Variants in MTMR7 observed in about 807,000 individuals in gnomAD.
MTMR7 encodes the protein myotubularin related protein 7.
In MTMR7, 76 loss-of-function variants were observed where a neutral mutation model predicts 81.2. The ratio of observed to expected loss-of-function variants is 0.94; its 90% CI spans 0.78 to 1.13. MTMR7 has a LOEUF of 1.13. Ranked by LOEUF, MTMR7 falls within the 50% of genes most tolerant of loss-of-function variation. The pLI, the probability that MTMR7 is intolerant of heterozygous loss-of-function variation, is 0.00. For synonymous variants in MTMR7, 372 were observed against 289.8 expected, an observed-to-expected ratio of 1.28 and a Z score of -2.88; for missense variants, 1,044 against 820.0, an observed-to-expected ratio of 1.27 and a Z score of -3.34.
At chr8:17,306,144 A>G (rs1258451265) in intron 10 of MTMR7, among the ~76,000 whole-genome samples, 187 bp from the exon 11 acceptor site, 1 of 152,202 alleles carries the variant, frequency 6.6e-6, no homozygotes, top group African/African-American at 2.4e-5. Context: ...CTTTGTAGTG[A>G]CGGTCTGGAT....
intron 1 of MTMR7, among the ~76,000 whole-genome samples, chr8:17,375,515 C>A (rs1172948507): frequency 2.1e-5 from 3 of 145,980 alleles, no homozygotes; most frequent in Non-Finnish European, 4.5e-5. Context: ...TCTTTTGTTA[C>A]TGATATGCTG....
intron 1 of MTMR7, among the ~76,000 whole-genome samples, chr8:17,382,944 G>C (rs573604480): frequency 1.3e-5 from 2 of 152,222 alleles, no homozygotes; most frequent in African/African-American, 4.8e-5. Flanking sequence ...AGGGTGCAGG[G>C]CATTGGCTGT....
chr8:17,347,916 T>C (rs1819607765), intron 5 of MTMR7, among the ~76,000 whole-genome samples: 1 of 152,106 alleles, frequency 6.6e-6, no homozygotes, highest in South Asian at 2.1e-4. Flanking sequence ...ACCTGCAGTG[T>C]GTGGGTGGTG....
intron 1 of MTMR7, among the ~76,000 whole-genome samples, chr8:17,399,872 C>CAAAA (rs67618086): frequency 2.1e-5 from 3 of 141,528 alleles, no homozygotes; most frequent in African/African-American, 5.2e-5. Context: ...GACTCTGTCT[C>CAAAA]AAAAAAAAAA....
intron 1 of MTMR7, among the ~76,000 whole-genome samples, chr8:17,384,909 G>C (rs1820883004): frequency 6.6e-6 from 1 of 152,158 alleles, no homozygotes. Context: ...GAGAAGAATT[G>C]AGCATAATCC....
intron 10 of MTMR7, among the ~76,000 whole-genome samples, chr8:17,306,370 G>C (rs1817455785): frequency 6.6e-6 from 1 of 151,724 alleles, no homozygotes; most frequent in South Asian, 2.1e-4. Context: ...GTTGGGAAGG[G>C]ATGAGGAAAA....
At chr8:17,364,018 A>ATTTTTT (rs1257807634) in intron 3 of MTMR7, among the ~76,000 whole-genome samples, 1 of 53,804 alleles carries the variant, frequency 1.9e-5, no homozygotes, top group African/African-American at 1.2e-4. Flanking sequence ...AAGTGTTGCT[A>ATTTTTT]TTATTTTTTT....
chr8:17,382,569 G>A (rs7003700), intron 1 of MTMR7, among the ~76,000 whole-genome samples: 23,996 of 152,102 alleles, frequency 0.16, 2,678 homozygotes, highest in East Asian at 0.33. Context: ...ACATCCATCC[G>A]TCCATCCATC....
At chr8:17,326,421 T>C (rs940625328) in intron 7 of MTMR7, 3 of 152,154 alleles carry the variant, frequency 2.0e-5, no homozygotes, top group Non-Finnish European at 4.4e-5. Context: ...CGATGTGAGG[T>C]GGTTATAATG....
chr8:17,311,381 T>C, intron 9 of MTMR7, 130 bp downstream of exon 9: 1 of 1,219,206 alleles, frequency 8.2e-7, no homozygotes, highest in Non-Finnish European at 1.2e-6. Flanking sequence ...CTCTTCCCCT[T>C]TAATCTTGCT....
At chr8:17,379,790 T>C (rs1820704570) in intron 1 of MTMR7, among the ~76,000 whole-genome samples, 2 of 152,146 alleles carry the variant, frequency 1.3e-5, no homozygotes, top group Non-Finnish European at 2.9e-5. Context: ...TTTGATTGTT[T>C]GTTTTTGTTT....
chr8:17,322,279 G>C (rs1164935062), intron 7 of MTMR7, among the ~76,000 whole-genome samples: 11 of 152,220 alleles, frequency 7.2e-5, no homozygotes, highest in Admixed American at 7.2e-4. Context: ...ATTATGGCCT[G>C]TACGAGCGAA....
intron 7 of MTMR7, among the ~76,000 whole-genome samples, chr8:17,324,152 C>T (rs1818549312): frequency 6.6e-6 from 1 of 152,164 alleles, no homozygotes; most frequent in African/African-American, 2.4e-5. Context: ...TCCTTCCTGC[C>T]ATGATTTCTG....
intron 1 of MTMR7, among the ~76,000 whole-genome samples, chr8:17,386,452 T>C (rs148097900): frequency 1.3e-5 from 2 of 152,320 alleles, no homozygotes; most frequent in African/African-American, 4.8e-5. Context: ...CTCCTAGGAC[T>C]CTTATAGGAG....
At chr8:17,355,308 C>T (rs1166316745) in intron 4 of MTMR7, among the ~76,000 whole-genome samples, 1 of 152,220 alleles carries the variant, frequency 6.6e-6, no homozygotes, top group African/African-American at 2.4e-5. Context: ...AGTCTGATTA[C>T]ATGAGTCAGA....
chr8:17,372,973 T>C (rs1820465406), intron 2 of MTMR7, 145 bp downstream of exon 2: 6 of 937,384 alleles, frequency 6.4e-6, no homozygotes, highest in Admixed American at 5.5e-5. Context: ...ACAGAAAAAG[T>C]CCAAACACAC....
intron 1 of MTMR7, among the ~76,000 whole-genome samples, chr8:17,380,897 C>G (rs1820737251): frequency 6.6e-6 from 1 of 152,122 alleles, no homozygotes; most frequent in Non-Finnish European, 1.5e-5. Context: ...ACCACTATCA[C>G]AATATTATTC....
At chr8:17,376,930 G>A (rs190772783) in intron 1 of MTMR7, among the ~76,000 whole-genome samples, 1 of 151,984 alleles carries the variant, frequency 6.6e-6, no homozygotes, top group Non-Finnish European at 1.5e-5. Flanking sequence ...ATCTTTAAAG[G>A]AGTCTTGTGT....
chr8:17,377,877 C>T (rs1054770195), intron 1 of MTMR7, among the ~76,000 whole-genome samples: 22 of 151,760 alleles, frequency 1.4e-4, no homozygotes, highest in South Asian at 2.1e-4. Context: ...AAAGTAACTA[C>T]GATAAAGATA....
Sources: gnomAD v4.1 joint callset for allele counts (sites outside exome capture counted in the v4.1 genomes callset) on GRCh38, gnomAD v4.1.1 for gene constraint, MANE v1.5 for transcripts, NCBI Gene and HGNC (gene_info 2026-07-23, HGNC 2026-07-21) for gene names.